DNER: variants seen among roughly 807,000 people sequenced by gnomAD.
DNER encodes the protein delta and Notch-like epidermal growth factor-related receptor.
DNER carries 33 observed loss-of-function variants against 78.2 expected under a neutral mutation model. The observed-to-expected ratio is 0.42, with a 90% CI of 0.32 to 0.56. The LOEUF is 0.56. DNER is among the 20% of genes least tolerant of loss of function. The pLI, the probability that DNER is intolerant of heterozygous loss-of-function variation, is 0.11. For synonymous variants in DNER, 417 were observed against 384.8 expected, an observed-to-expected ratio of 1.08 and a Z score of -0.98; for missense variants, 918 against 975.3, an observed-to-expected ratio of 0.94 and a Z score of 0.78.
intron 1 of DNER, among the ~76,000 whole-genome samples, chr2:229,643,773 C>G (rs560515469): frequency 2.3e-4 from 35 of 152,282 alleles, no homozygotes; most frequent in African/African-American, 8.2e-4. Flanking sequence ...TCATTTTTGC[C>G]ATACTTAGCC....
intron 6 of DNER, among the ~76,000 whole-genome samples, chr2:229,512,331 C>T (rs547905951): frequency 3.0e-4 from 44 of 144,722 alleles, no homozygotes; most frequent in Non-Finnish European, 5.4e-4. Context: ...TGCAGTGAGC[C>T]GAGATCACAC....
At chr2:229,435,680 G>T (rs1427888126) in intron 8 of DNER, among the ~76,000 whole-genome samples, 1 of 152,150 alleles carries the variant, frequency 6.6e-6, no homozygotes, top group Non-Finnish European at 1.5e-5. Context: ...CAATCTAAAA[G>T]CAACACCTAC....
chr2:229,672,717 A>G (rs1226752146), intron 1 of DNER, among the ~76,000 whole-genome samples: 1 of 152,156 alleles, frequency 6.6e-6, no homozygotes, highest in African/African-American at 2.4e-5. Context: ...CACCTCTTCC[A>G]ACCTAGCCTC....
intron 9 of DNER, among the ~76,000 whole-genome samples, chr2:229,416,838 G>A (rs1693663987): frequency 6.6e-6 from 1 of 152,084 alleles, no homozygotes; most frequent in Admixed American, 6.6e-5. Context: ...GAGTCAGGAG[G>A]GATCAGAGAT....
At chr2:229,371,042 T>G (rs1435168485) in intron 11 of DNER, among the ~76,000 whole-genome samples, 1 of 152,236 alleles carries the variant, frequency 6.6e-6, no homozygotes, top group East Asian at 1.9e-4. Flanking sequence ...CTGTTCGGAC[T>G]TTTGGAAAAA....
intron 6 of DNER, among the ~76,000 whole-genome samples, chr2:229,494,904 G>A (rs2154211796): frequency 6.6e-6 from 1 of 152,094 alleles, no homozygotes; most frequent in East Asian, 1.9e-4. Context: ...GAGTGTCTTT[G>A]ATTGTAAAAT....
chr2:229,711,688 C>T lies in DNER; in HGVS notation c.276+2460G>A, dbSNP rs541048215. Among the ~76,000 whole-genome samples, 15 of 152,264 alleles carry T rather than the reference C, an allele frequency of 9.9e-5. No individual in the cohort carries two copies. In the East Asian group the frequency reaches 1.2e-3, roughly 12 times the overall value. ...ATTGTCTTTGGAGAAGGAGGAGTGA[C>T]GCTCTGTTAAAAGATCCTCTTTACA... On this transcript the variant is annotated intron_variant, in intron 1 of 12. Coordinates refer to ENST00000341772, the MANE Select transcript of DNER (RefSeq NM_139072.4).
chr2:229,539,650 T>G (rs1329380456), intron 5 of DNER, among the ~76,000 whole-genome samples: 1 of 152,226 alleles, frequency 6.6e-6, no homozygotes, highest in Non-Finnish European at 1.5e-5. Context: ...TTTATTTGTT[T>G]TTCTCGTCCC....
chr2:229,546,715 A>G (rs1344184094), intron 5 of DNER, among the ~76,000 whole-genome samples: 1 of 152,204 alleles, frequency 6.6e-6, no homozygotes, highest in Non-Finnish European at 1.5e-5. Context: ...CAGCCTGGGC[A>G]ACAGAGCGAG....
intron 8 of DNER, among the ~76,000 whole-genome samples, chr2:229,441,953 A>T (rs1266346457): frequency 6.6e-6 from 1 of 152,170 alleles, no homozygotes. Flanking sequence ...CATGATGTCA[A>T]TATACAGATT....
chr2:229,547,603 G>A (rs930190234), intron 4 of DNER, among the ~76,000 whole-genome samples: 2 of 152,190 alleles, frequency 1.3e-5, no homozygotes, highest in African/African-American at 4.8e-5. Context: ...GGTCCCCTTG[G>A]AGTAGGCATG....
At chr2:229,526,599 G>A (rs140976920) in intron 5 of DNER, among the ~76,000 whole-genome samples, 11 of 152,344 alleles carry the variant, frequency 7.2e-5, no homozygotes, top group Non-Finnish European at 1.3e-4. Context: ...GGAGTGCACA[G>A]TCTGGATTCT....
At chr2:229,606,848 G>A (rs1247052683) in intron 1 of DNER, among the ~76,000 whole-genome samples, 1 of 152,066 alleles carries the variant, frequency 6.6e-6, no homozygotes, top group Admixed American at 6.6e-5. Flanking sequence ...AGCTGAGATG[G>A]TGCTATTTGC....
At chr2:229,698,138 A>T (rs208786) in intron 1 of DNER, among the ~76,000 whole-genome samples, 3 of 152,020 alleles carry the variant, frequency 2.0e-5, no homozygotes, top group Non-Finnish European at 2.9e-5. Flanking sequence ...CAGGAGTTCA[A>T]GGCTGCGGTG....
intron 1 of DNER, among the ~76,000 whole-genome samples, chr2:229,619,930 T>G (rs1698226057): frequency 6.6e-6 from 1 of 152,232 alleles, no homozygotes; most frequent in Admixed American, 6.5e-5. Flanking sequence ...TGCACTACTA[T>G]TCCATCCTCA....
intron 10 of DNER, among the ~76,000 whole-genome samples, chr2:229,406,696 C>T (rs1693392183): frequency 6.6e-6 from 1 of 152,136 alleles, no homozygotes; most frequent in Non-Finnish European, 1.5e-5. Flanking sequence ...AGAAGGACCC[C>T]AAGTTAGGCT....
intron 9 of DNER, among the ~76,000 whole-genome samples, chr2:229,408,405 T>TC (rs1365854287): frequency 6.6e-5 from 10 of 152,080 alleles, no homozygotes; most frequent in Admixed American, 2.0e-4. Context: ...TCTCTCTCTC[T>TC]CTCCTCCTCC....
chr2:229,371,948 T>C (rs1692492135), intron 11 of DNER, among the ~76,000 whole-genome samples: 1 of 152,234 alleles, frequency 6.6e-6, no homozygotes, highest in Admixed American at 6.5e-5. Flanking sequence ...AGGAGGGATG[T>C]CAAATTACTT....
At chr2:229,398,825 A>G (rs2106340614) in intron 10 of DNER, among the ~76,000 whole-genome samples, 1 of 152,206 alleles carries the variant, frequency 6.6e-6, no homozygotes, top group South Asian at 2.1e-4. Context: ...TTAACAAGCC[A>G]AAGAAAAAAA....
Sources: allele counts gnomAD v4.1 joint callset (sites outside exome capture counted in the v4.1 genomes callset), GRCh38; gene constraint gnomAD v4.1.1; transcripts MANE v1.5; gene names NCBI Gene and HGNC (gene_info 2026-07-23, HGNC 2026-07-21).